PDZRN3: variants seen among roughly 807,000 people sequenced by gnomAD.
PDZRN3 encodes the protein E3 ubiquitin-protein ligase PDZRN3.
Under a neutral mutation model 85.7 loss-of-function variants are expected in PDZRN3, and 38 were observed. The ratio of observed to expected loss-of-function variants is 0.44; its 90% CI spans 0.34 to 0.58. The LOEUF is 0.58. Among genes scored for constraint, PDZRN3 ranks in the 20% least tolerant of loss-of-function variants. The pLI is 0.01. For synonymous variants in PDZRN3, 759 were observed against 638.0 expected (o/e 1.19, Z -2.86); for missense variants, 1,629 against 1,506.4 (o/e 1.08, Z -1.35).
At chr3:73,535,743 C>T (rs1304905805) in intron 3 of PDZRN3, among the ~76,000 whole-genome samples, 1 of 152,190 alleles carries the variant, frequency 6.6e-6, no homozygotes, top group Non-Finnish European at 1.5e-5. Context: ...ATTCTCCAGT[C>T]CTCTGTTGTT....
At chr3:73,477,588 T>A (rs181765090) in intron 3 of PDZRN3, among the ~76,000 whole-genome samples, 2 of 152,274 alleles carry the variant, frequency 1.3e-5, no homozygotes, top group Admixed American at 1.3e-4. Flanking sequence ...AAACAAACGC[T>A]CATGAGCAAA....
chr3:73,424,883 T>C (rs1702280500), intron 3 of PDZRN3, among the ~76,000 whole-genome samples: 1 of 152,208 alleles, frequency 6.6e-6, no homozygotes, highest in Non-Finnish European at 1.5e-5. Context: ...CAATACCAAG[T>C]GTTGGCAGGG....
chr3:73,576,024 G>A (rs1349421716), intron 3 of PDZRN3, among the ~76,000 whole-genome samples: 1 of 152,070 alleles, frequency 6.6e-6, no homozygotes, highest in Non-Finnish European at 1.5e-5. Flanking sequence ...AAAATCAAGC[G>A]AAGTCATCTT....
chr3:73,601,700 C>T (rs560861724), intron 3 of PDZRN3, among the ~76,000 whole-genome samples: 1 of 152,282 alleles, frequency 6.6e-6, no homozygotes, highest in Admixed American at 6.5e-5. Flanking sequence ...AACCCTGTTA[C>T]AAAGTGTTGT....
At position 73,404,252 on chromosome 3, in the gene PDZRN3, C is replaced by T; in HGVS notation, c.1062G>A (p.Val354=). ...TGATGTCGGTTTGGGTTCCCGTGTC[C>T]ACCAGCTGAGACTCTGATGGAGGCG... The part of the protein sequence containing the change: ...MFTPPSESQL[V]DTGTQTDITF... Residue 354 remains valine (V), a synonymous_variant, in exon 4 of 10, where the codon GTG becomes GTA. Transcript: ENST00000263666. 5.6e-6 allele frequency: 9 copies of T among 1,614,098 alleles called. 1 individual carries two copies. Among genetic ancestry groups the T allele is most frequent in the Non-Finnish European group, 6.8e-6 (8 of 1,180,032 alleles).
chr3:73,553,199 G>A lies in PDZRN3; in HGVS notation c.918+49155C>T, dbSNP rs182500824. On this transcript the variant is annotated intron_variant, in intron 3 of 9. Coordinates refer to ENST00000263666, the MANE Select transcript of PDZRN3 (RefSeq NM_015009.3). The stretch of plus-strand genomic sequence containing the variant: ...CCAATATGGGAAGGTCATGCACCAA[G>A]TTCAGAATAGTGCTTACGCTTCTGA... 1.4e-3 allele frequency among the ~76,000 whole-genome samples: 219 copies of A among 152,318 alleles called. 7 individuals are homozygous for A. Among genetic ancestry groups the A allele is most frequent in the Admixed American group, 0.014 (219 of 15,308 alleles).
chr3:73,598,752 T>C (rs567046063), intron 3 of PDZRN3, among the ~76,000 whole-genome samples: 5 of 152,258 alleles, frequency 3.3e-5, no homozygotes, highest in African/African-American at 9.6e-5. Flanking sequence ...GGAACCCAAA[T>C]AGGGGACATC....
chr3:73,549,344 A>G (rs1575728541), intron 3 of PDZRN3, among the ~76,000 whole-genome samples: 1 of 152,292 alleles, frequency 6.6e-6, no homozygotes, highest in South Asian at 2.1e-4. Context: ...CAGCTAGCAA[A>G]GGGCACTGTA....
chr3:73,572,389 TCTAAGTTGACATAAAAAAGTC>T lies in PDZRN3; in HGVS notation c.918+29944_918+29964del, dbSNP rs546187172. Among the ~76,000 whole-genome samples the T allele has an allele frequency of 2.8e-3, 430 of 152,352 alleles. 3 individuals carry two copies. Among genetic ancestry groups the T allele is most frequent in the African/African-American group, 9.4e-3 (390 of 41,576 alleles). ...AATGCTGTGTTCTATTCCAGTATAC[TCTAAGTTGACATAAAAAAGTC>T]CTGGATCGATTCATCACAGTGCTTA... On this transcript the variant is annotated intron_variant, in intron 3 of 9. Transcript: ENST00000263666.
At chr3:73,602,778 A>G (rs1201388211) in intron 2 of PDZRN3, among the ~76,000 whole-genome samples, 1 of 152,192 alleles carries the variant, frequency 6.6e-6, no homozygotes, top group African/African-American at 2.4e-5. Flanking sequence ...CTAAATATGC[A>G]TTTGTTCCTT....
intron 3 of PDZRN3, among the ~76,000 whole-genome samples, chr3:73,438,531 GC>G (rs1702573837): frequency 6.6e-6 from 1 of 152,198 alleles, no homozygotes; most frequent in Non-Finnish European, 1.5e-5. Flanking sequence ...AAGTGAGATG[GC>G]AGGACTGAGG....
intron 3 of PDZRN3, among the ~76,000 whole-genome samples, chr3:73,513,860 T>C (rs1363218669): frequency 2.0e-5 from 3 of 152,216 alleles, no homozygotes; most frequent in Non-Finnish European, 4.4e-5. Context: ...TTAAGTGCAT[T>C]GATGAAATTA....
intron 3 of PDZRN3, among the ~76,000 whole-genome samples, chr3:73,471,939 T>A (rs189551029): frequency 6.6e-6 from 1 of 152,218 alleles, no homozygotes; most frequent in East Asian, 1.9e-4. Flanking sequence ...ATGTTCACAC[T>A]CACCTGAAAT....
intron 3 of PDZRN3, among the ~76,000 whole-genome samples, chr3:73,405,706 C>A (rs1000917233): frequency 1.3e-5 from 2 of 152,154 alleles, no homozygotes; most frequent in African/African-American, 4.8e-5. Flanking sequence ...ATGTTTTTAG[C>A]ATGTATTTAT....
intron 2 of PDZRN3, among the ~76,000 whole-genome samples, chr3:73,602,926 G>A (rs1281361535): frequency 6.6e-6 from 1 of 152,168 alleles, no homozygotes; most frequent in Admixed American, 6.5e-5. Flanking sequence ...TATCCAACAT[G>A]AGGCTAATAA....
At chr3:73,573,453 A>C (rs1411379314) in intron 3 of PDZRN3, among the ~76,000 whole-genome samples, 1 of 152,162 alleles carries the variant, frequency 6.6e-6, no homozygotes, top group African/African-American at 2.4e-5. Context: ...ACCAGGTCAT[A>C]TTTGTCCCAC....
At chr3:73,621,529 T>G (rs2106921480) in intron 1 of PDZRN3, among the ~76,000 whole-genome samples, 1 of 152,324 alleles carries the variant, frequency 6.6e-6, no homozygotes, top group Admixed American at 6.5e-5. Context: ...AAACAAGTTC[T>G]TAAACAGCTT....
At chr3:73,543,977 C>A (rs1006359973) in intron 3 of PDZRN3, among the ~76,000 whole-genome samples, 3 of 152,168 alleles carry the variant, frequency 2.0e-5, no homozygotes, top group African/African-American at 7.2e-5. Flanking sequence ...AGCGCTCTGC[C>A]GAAGGAGGCA....
intron 1 of PDZRN3, among the ~76,000 whole-genome samples, chr3:73,614,184 G>C (rs186801275): frequency 6.6e-6 from 1 of 152,134 alleles, no homozygotes; most frequent in Non-Finnish European, 1.5e-5. Flanking sequence ...AATTGGTTGG[G>C]GGAAGAAAAG....
Sources: allele counts gnomAD v4.1 joint callset (sites outside exome capture counted in the v4.1 genomes callset), GRCh38; gene constraint gnomAD v4.1.1; transcripts MANE v1.5; gene names NCBI Gene and HGNC (gene_info 2026-07-23, HGNC 2026-07-21).